The following KCNJ15 variants were observed in gnomAD, a reference collection of about 807,000 sequenced individuals.
KCNJ15 encodes potassium inwardly rectifying channel subfamily J member 15, also known as ATP-sensitive inward rectifier potassium channel 15.
Under a neutral mutation model 23.0 loss-of-function variants are expected in KCNJ15, and 14 were observed. The observed-to-expected ratio is 0.61, with a 90% CI of 0.40 to 0.95. The LOEUF (loss-of-function observed/expected upper bound fraction) is 0.95. Among genes scored for constraint, KCNJ15 ranks in the 40% least tolerant of loss-of-function variants. The probability of loss-of-function intolerance (pLI) is 0.00; values close to 1 mark genes in which losing one functional copy is unlikely to be tolerated. For synonymous variants in KCNJ15, 185 were observed against 183.2 expected, an observed-to-expected ratio of 1.01 and a Z score of -0.08; for missense variants, 388 against 461.8, an observed-to-expected ratio of 0.84 and a Z score of 1.46.
intron 1 of KCNJ15, among the ~76,000 whole-genome samples, chr21:38,280,012 TGG>T (rs920780848): frequency 1.3e-5 from 2 of 152,166 alleles, no homozygotes; most frequent in Non-Finnish European, 2.9e-5. Context: ...AGGTTTAAAC[TGG>T]GGAACAACTC....
intron 1 of KCNJ15, among the ~76,000 whole-genome samples, chr21:38,235,987 G>GA (rs755540546): frequency 7.9e-5 from 12 of 152,142 alleles, no homozygotes; most frequent in Non-Finnish European, 1.5e-4. Flanking sequence ...AAATGGTTTA[G>GA]ATTGTGTTAA....
In KCNJ15 at chr21:38,260,218, G is replaced by A. The variant is rs181306686; in HGVS notation, c.-117+3033G>A. The stretch of plus-strand genomic sequence containing the variant: ...AGGGGGTAGATATTTCTGATAAAAA[G>A]GCCAGGCGAGAAAGTTGAACTTGAC... On this transcript the variant is annotated intron_variant, in intron 1 of 2. Transcript: ENST00000398938. Among the ~76,000 whole-genome samples, 8 of 152,236 alleles carry A rather than the reference G, an allele frequency of 5.3e-5. No homozygotes were observed. The South Asian group carries it at 1.0e-3, about 20-fold the overall frequency.
intron 1 of KCNJ15, among the ~76,000 whole-genome samples, chr21:38,278,467 C>G (rs1258054220): frequency 1.3e-5 from 2 of 152,186 alleles, no homozygotes; most frequent in Non-Finnish European, 2.9e-5. Flanking sequence ...CGACACAGTA[C>G]TAGTTACATA....
At chr21:38,230,965 G>A (rs1988720346) in intron 1 of KCNJ15, among the ~76,000 whole-genome samples, 1 of 151,996 alleles carries the variant, frequency 6.6e-6, no homozygotes, top group South Asian at 2.1e-4. Context: ...TAGCCATTTG[G>A]AATTTTGATA....
chr21:38,282,252 G>A (rs1983428559), intron 1 of KCNJ15, among the ~76,000 whole-genome samples: 1 of 152,060 alleles, frequency 6.6e-6, no homozygotes, highest in Non-Finnish European at 1.5e-5. Flanking sequence ...TCCCTGCTTG[G>A]GTTACTGGTG....
At chr21:38,235,459 C>A (rs2123541016) in intron 1 of KCNJ15, among the ~76,000 whole-genome samples, 1 of 152,244 alleles carries the variant, frequency 6.6e-6, no homozygotes, top group Admixed American at 6.5e-5. Context: ...GAGGCTGAGT[C>A]AGGAGAATGG....
At chr21:38,267,694 T>C (rs1047677619) in intron 1 of KCNJ15, among the ~76,000 whole-genome samples, 6 of 152,160 alleles carry the variant, frequency 3.9e-5, no homozygotes, top group African/African-American at 1.2e-4. Context: ...CCTTGCCAAC[T>C]CAGTTCAGAT....
Position 38,260,626 on chromosome 21 carries a change from C to T in KCNJ15, c.-117+3441C>T, listed in dbSNP as rs370605695. 1.7e-4 allele frequency among the ~76,000 whole-genome samples: 26 copies of T among 152,290 alleles called. No homozygotes were observed. The East Asian group carries it at 4.1e-3, about 24-fold the overall frequency. ...ACTATACAAAGATGAATCAGGGTCA[C>T]GTGATCATGCTCACGTCAGAAGATG... On this transcript the variant is annotated intron_variant, in intron 1 of 2. Coordinates refer to ENST00000398938, the MANE Select transcript of KCNJ15 (RefSeq NM_170736.3).
At chr21:38,298,741 G>T (rs1056913182) in intron 2 of KCNJ15, among the ~76,000 whole-genome samples, 3 of 152,164 alleles carry the variant, frequency 2.0e-5, no homozygotes, top group Non-Finnish European at 4.4e-5. Flanking sequence ...AGCAGTACTG[G>T]ACTTACACTC....
intron 1 of KCNJ15, among the ~76,000 whole-genome samples, chr21:38,267,821 T>C (rs1380078568): frequency 6.6e-6 from 1 of 152,216 alleles, no homozygotes; most frequent in East Asian, 1.9e-4. Flanking sequence ...ATGCTCTTTT[T>C]TGCTAAATTT....
chr21:38,279,222 G>A lies in KCNJ15; in HGVS notation c.-116-17704G>A, dbSNP rs538073167. On this transcript the variant is annotated intron_variant, in intron 1 of 2. Transcript: ENST00000398938. ...GTAATGGATAATGAAGCTAGGCTGG[G>A]TCTAATTTGGGGTGTTTGTGGGCAA... 1.4e-3 allele frequency among the ~76,000 whole-genome samples: 210 copies of A among 151,860 alleles called. 8 individuals carry two copies. The South Asian group carries it at 0.042, about 30-fold the overall frequency.
intron 1 of KCNJ15, among the ~76,000 whole-genome samples, chr21:38,247,345 CATAGGTGG>C (rs1344106436): frequency 6.5e-5 from 5 of 76,520 alleles, no homozygotes; most frequent in Non-Finnish European, 1.3e-4. Flanking sequence ...TGGATAGATG[CATAGGTGG>C]ATGGATGGAT....
chr21:38,235,482 A>T (rs1601115996), intron 1 of KCNJ15, among the ~76,000 whole-genome samples: 1 of 152,152 alleles, frequency 6.6e-6, no homozygotes, highest in Admixed American at 6.5e-5. Context: ...TGAACCTGGG[A>T]GGTGGAGGTT....
At chr21:38,275,537 A>C (rs2123661344) in intron 1 of KCNJ15, among the ~76,000 whole-genome samples, 1 of 151,794 alleles carries the variant, frequency 6.6e-6, no homozygotes, top group South Asian at 2.1e-4. Context: ...AAAAAAAAAA[A>C]AAAAGCAAAA....
Position 38,290,995 on chromosome 21 carries a change from A to AACACACACACACACACACACAC in KCNJ15, c.-116-5922_-116-5901dup, listed in dbSNP as rs57018976. On this transcript the variant is annotated intron_variant, in intron 1 of 2. Transcript: ENST00000398938. ...GTTCTCAAATGTCATAAAAAGGCTA[A>AACACACACACACACACACACAC]ACACACACACACACACACACACACA... Among the ~76,000 whole-genome samples, 303 of 127,250 alleles carry AACACACACACACACACACACAC rather than the reference A, an allele frequency of 2.4e-3. 3 individuals carry two copies. Among genetic ancestry groups the AACACACACACACACACACACAC allele is most frequent in the African/African-American group, 8.3e-3 (286 of 34,286 alleles). The allele number at this position is 127,250 out of a possible 152,430, so 83.5% of individuals were successfully genotyped here.
intron 1 of KCNJ15, among the ~76,000 whole-genome samples, chr21:38,229,947 C>T (rs1988686721): frequency 6.6e-6 from 1 of 152,174 alleles, no homozygotes; most frequent in Non-Finnish European, 1.5e-5. Flanking sequence ...AGCTGATGGG[C>T]ATTTGGGTTG....
Position 38,251,590 on chromosome 21 carries a change from G to A in KCNJ15, c.-398-5456G>A, listed in dbSNP as rs117741934. Reference sequence around the variant, plus strand: ...GACAAAGTTAGATTTTACAGATGCCGTGGCAAATGTGCACTCAGTGCTAAC... The same window carrying A: ...GACAAAGTTAGATTTTACAGATGCCATGGCAAATGTGCACTCAGTGCTAAC... On this transcript the variant is annotated intron_variant, in intron 1 of 4. Transcript: ENST00000547341. 4.6e-3 allele frequency among the ~76,000 whole-genome samples: 701 copies of A among 152,300 alleles called. 3 individuals are homozygous for A. The highest frequency in any genetic ancestry group is 9.1e-3 in the Admixed American group (139 of 15,304).
At chr21:38,239,562 A>G (rs1023309901) in intron 1 of KCNJ15, among the ~76,000 whole-genome samples, 3 of 152,244 alleles carry the variant, frequency 2.0e-5, no homozygotes, top group African/African-American at 7.2e-5. Context: ...ACTTAATTTC[A>G]ACCACATTTT....
intron 1 of KCNJ15, among the ~76,000 whole-genome samples, chr21:38,243,008 C>A (rs1979115950): frequency 6.6e-6 from 1 of 152,160 alleles, no homozygotes; most frequent in Non-Finnish European, 1.5e-5. Flanking sequence ...GATAGGGATT[C>A]AAGCCCTGCC....
Sources: gnomAD v4.1 joint callset for allele counts (sites outside exome capture counted in the v4.1 genomes callset) on GRCh38, gnomAD v4.1.1 for gene constraint, MANE v1.5 for transcripts, NCBI Gene and HGNC (gene_info 2026-07-23, HGNC 2026-07-21) for gene names.